PIP5K1A: variants seen among roughly 807,000 people sequenced by gnomAD.
PIP5K1A encodes phosphatidylinositol 4-phosphate 5-kinase type-1 alpha.
Under a neutral mutation model 72.9 loss-of-function variants are expected in PIP5K1A, and 46 were observed. That is an observed-to-expected ratio of 0.63 (90% confidence interval 0.50 to 0.81). PIP5K1A has a LOEUF of 0.81. Ranked by LOEUF, PIP5K1A falls within the 30% of genes least tolerant of loss-of-function variation. PIP5K1A has a pLI of 0.00. For synonymous variants in PIP5K1A, 228 were observed against 255.1 expected (o/e 0.89, Z 1.01); for missense variants, 458 against 706.1 (o/e 0.65, Z 3.98).
Position 151,232,753 on chromosome 1 carries a change from G to A in PIP5K1A, c.639+50G>A, listed in dbSNP as rs763109094. ...ACCTGTGCTGCTCACTTCTGGGCAAGGCTGGGGAGGCTGTCTTCAGCAGGG... is the reference window on the plus strand; with the variant it reads ...ACCTGTGCTGCTCACTTCTGGGCAAAGCTGGGGAGGCTGTCTTCAGCAGGG... On this transcript the variant is annotated intron_variant, in intron 7 of 15. Coordinates refer to ENST00000368888, the MANE Select transcript of PIP5K1A (RefSeq NM_001135638.2). 36 of 1,511,266 alleles carry A rather than the reference G, an allele frequency of 2.4e-5. No homozygotes were observed. In the Admixed American group the frequency reaches 4.0e-4, roughly 17 times the overall value. 93.6% of individuals were successfully genotyped at this position (1,511,266 alleles called of 1,614,324 possible).
intron 14 of PIP5K1A, among the ~76,000 whole-genome samples, chr1:151,246,013 G>C (rs920235595): frequency 6.6e-6 from 1 of 152,112 alleles, no homozygotes; most frequent in African/African-American, 2.4e-5. Flanking sequence ...TTGGGAGGCC[G>C]AGGAGGGCGG....
Position 151,227,410 on chromosome 1 carries a change from G to T in PIP5K1A, c.237+10G>T, listed in dbSNP as rs1455850560. On this transcript the variant is annotated intron_variant, in intron 4 of 15. Coordinates refer to ENST00000368888, the MANE Select transcript of PIP5K1A (RefSeq NM_001135638.2). ...GACAACATATAAAAAGGTGTGTCTG[G>T]ATGAAACCGTCTCATCTTACTCCAG... 3.1e-6 allele frequency: 5 copies of T among 1,589,222 alleles called. No individual in the cohort carries two copies. The highest frequency in any genetic ancestry group is 4.5e-5 in the East Asian group (2 of 44,702).
chr1:151,232,382 C>G lies in PIP5K1A; in HGVS notation c.486+17C>G. The stretch of plus-strand genomic sequence containing the variant: ...GATTACTTGGTAAGCATCTGGATAT[C>G]AGGACACTGTGACTCCAGTATCAGA... On this transcript the variant is annotated intron_variant, in intron 6 of 15. Coordinates refer to ENST00000368888, the MANE Select transcript of PIP5K1A (RefSeq NM_001135638.2). The G allele has an allele frequency of 6.4e-7, 1 of 1,565,466 alleles. No homozygotes were observed.
intron 14 of PIP5K1A, among the ~76,000 whole-genome samples, chr1:151,245,002 C>T (rs1009227919): frequency 1.3e-5 from 2 of 151,448 alleles, no homozygotes; most frequent in East Asian, 1.9e-4. Context: ...AACAATCCTC[C>T]TCCCTCTGCC....
chr1:151,223,192 A>C lies in PIP5K1A; in HGVS notation c.86-1053A>C, dbSNP rs1570881102. Among the ~76,000 whole-genome samples the C allele has an allele frequency of 2.0e-5, 3 of 151,304 alleles. No homozygotes were observed. In the South Asian group the frequency reaches 6.3e-4, roughly 32 times the overall value. On this transcript the variant is annotated intron_variant, in intron 1 of 15. Transcript: ENST00000368888. ...ATGATGAAACCCCATCTCTGCTAAA[A>C]ATACAAAAATCAGCCAGGCATGGTG...
rs982421923 is a variant in PIP5K1A at position 151,227,328 on chromosome 1, T to C, written c.165T>C (p.Tyr55=). The C allele has an allele frequency of 6.2e-7, 1 of 1,608,830 alleles. No homozygotes were observed. The highest frequency in any genetic ancestry group is 8.5e-7 in the Non-Finnish European group (1 of 1,175,272). ...CTTGACTCTTCTTCTAGGTGCCTTATGCCTCTGGCATGCCCATCAAGAAAA... is the reference window on the plus strand; with the variant it reads ...CTTGACTCTTCTTCTAGGTGCCTTACGCCTCTGGCATGCCCATCAAGAAAA... ...RQDSYISLVP[Y]ASGMPIKKIG... The change falls in exon 4 of 16, where the codon TAT becomes TAC. Residue 55 remains tyrosine (Y), a synonymous_variant. Transcript: ENST00000368888.
At chr1:151,205,368 G>A (rs138627464) in intron 1 of PIP5K1A, among the ~76,000 whole-genome samples, 1 of 152,108 alleles carries the variant, frequency 6.6e-6, no homozygotes, top group East Asian at 2.0e-4. Flanking sequence ...TAGAGGCGGG[G>A]TTTCCCCATG....
intron 1 of PIP5K1A, among the ~76,000 whole-genome samples, chr1:151,204,709 A>G (rs1685695447): frequency 6.6e-6 from 1 of 152,154 alleles, no homozygotes; most frequent in Non-Finnish European, 1.5e-5. Flanking sequence ...CTCCATAGGG[A>G]TTTTGACACT....
chr1:151,236,658 C>T lies in PIP5K1A; in HGVS notation c.1040C>T (p.Ser347Leu), dbSNP rs780225134. ...REPLSSETQY[S>L]VDTRRPAPQK... ...CCCTTAAGCAGTGAAACACAGTACTCAGTTGATACTCGAAGACCGGCCCCC... is the reference window on the plus strand; with the variant it reads ...CCCTTAAGCAGTGAAACACAGTACTTAGTTGATACTCGAAGACCGGCCCCC... Residue 347 changes from serine (S) to leucine (L), a missense_variant, in exon 9 of 16, where the codon TCA becomes TTA. Physicochemically the swap from Ser to Leu is moderately radical, Grantham distance 145. Coordinates refer to ENST00000368888, the MANE Select transcript of PIP5K1A (RefSeq NM_001135638.2). The T allele has an allele frequency of 1.2e-6, 2 of 1,613,562 alleles. No homozygotes were observed. Among genetic ancestry groups the T allele is most frequent in the Non-Finnish European group, 1.7e-6 (2 of 1,179,684 alleles).
At chr1:151,238,129 C>T in intron 9 of PIP5K1A, 53 bp from the exon 10 acceptor site, 1 of 1,150,278 alleles carries the variant, frequency 8.7e-7, no homozygotes, top group Non-Finnish European at 1.3e-6. Context: ...CCATCCTGAT[C>T]TGACTAAACT....
At chr1:151,210,645 C>T (rs1686675700) in intron 1 of PIP5K1A, among the ~76,000 whole-genome samples, 2 of 152,112 alleles carry the variant, frequency 1.3e-5, no homozygotes, top group Non-Finnish European at 2.9e-5. Context: ...AGTGTAGTGG[C>T]ATGATCTGGG....
chr1:151,228,006 C>T (rs934771881), intron 4 of PIP5K1A, among the ~76,000 whole-genome samples: 1 of 152,204 alleles, frequency 6.6e-6, no homozygotes, highest in African/African-American at 2.4e-5. Flanking sequence ...CCATTCTTAT[C>T]TTACCACAGG....
chr1:151,216,317 C>G (rs1226100614), intron 1 of PIP5K1A, among the ~76,000 whole-genome samples: 3 of 150,466 alleles, frequency 2.0e-5, no homozygotes, highest in Non-Finnish European at 4.4e-5. Context: ...CCACTGCACT[C>G]CAGCCTGGGC....
In PIP5K1A at chr1:151,217,856, T is replaced by C. The variant is rs142376653; in HGVS notation, c.86-6389T>C. ...GTGCAGTGTTACGATCTTAGCTCAC[T>C]GCAACCTCCACCTCCTGGGTTCAAG... On this transcript the variant is annotated intron_variant, in intron 1 of 15. Transcript: ENST00000368888. Among the ~76,000 whole-genome samples the C allele has an allele frequency of 4.5e-3, 685 of 152,306 alleles. 6 individuals carry two copies. The highest frequency in any genetic ancestry group is 0.016 in the African/African-American group (650 of 41,574).
chr1:151,242,375 G>A, intron 13 of PIP5K1A, 63 bp from the exon 14 acceptor site: 2 of 1,604,454 alleles, frequency 1.2e-6, no homozygotes, highest in Non-Finnish European at 1.7e-6. Flanking sequence ...TATCCAGGAA[G>A]CCTAGCTGCT....
In PIP5K1A at chr1:151,242,199, C is replaced by T. The variant is rs1359194584; in HGVS notation, c.1440C>T (p.Cys480=). The T allele has an allele frequency of 6.2e-7, 1 of 1,613,946 alleles. No individual in the cohort carries two copies. The highest frequency in any genetic ancestry group is 8.5e-7 in the Non-Finnish European group (1 of 1,179,940). The stretch of plus-strand genomic sequence containing the variant: ...GAGCAGGCTCCAGTGGCAACTCCTG[C>T]ATTACTTACCAGCCATCGGTCTCTG... ...SRRAGSSGNS[C]ITYQPSVSGE... is the part of the protein sequence containing the mutation. The change falls in exon 13 of 16, where the codon TGC becomes TGT. Residue 480 remains cysteine, a synonymous_variant. Coordinates refer to ENST00000368888, the MANE Select transcript of PIP5K1A (RefSeq NM_001135638.2).
chr1:151,224,366 C>A lies in PIP5K1A; in HGVS notation c.121-5C>A. 1 of 1,609,336 alleles carries A rather than the reference C, an allele frequency of 6.2e-7. No individual in the cohort carries two copies. Among genetic ancestry groups the A allele is most frequent in the Non-Finnish European group, 8.5e-7 (1 of 1,175,930 alleles). On this transcript the variant is annotated splice_polypyrimidine_tract_variant and splice_region_variant and intron_variant, in intron 2 of 15. Coordinates refer to ENST00000368888, the MANE Select transcript of PIP5K1A (RefSeq NM_001135638.2). ...TTATGACATTTTTATTTTTTCTCTA[C>A]TTAGGTCTTGGAAGCTAGACAGGAT...
At chr1:151,213,779 G>A (rs1267965625) in intron 1 of PIP5K1A, among the ~76,000 whole-genome samples, 1 of 152,066 alleles carries the variant, frequency 6.6e-6, no homozygotes, top group Non-Finnish European at 1.5e-5. Flanking sequence ...GGACTGTTGA[G>A]TAGTGGTTTA....
At chr1:151,202,329 G>T (rs1366947517) in intron 1 of PIP5K1A, among the ~76,000 whole-genome samples, 2 of 152,138 alleles carry the variant, frequency 1.3e-5, no homozygotes, top group African/African-American at 2.4e-5. Context: ...TGGTTGACAC[G>T]CACACTTCTT....
Sources: allele counts gnomAD v4.1 joint callset (sites outside exome capture counted in the v4.1 genomes callset), GRCh38; gene constraint gnomAD v4.1.1; transcripts MANE v1.5; gene names NCBI Gene and HGNC (gene_info 2026-07-23, HGNC 2026-07-21).